The following PIK3C2G variants were observed in gnomAD, a reference collection of about 807,000 sequenced individuals.
The protein encoded by PIK3C2G is phosphatidylinositol-4-phosphate 3-kinase catalytic subunit type 2 gamma.
In PIK3C2G, 168 loss-of-function variants were observed where a neutral mutation model predicts 181.1. That is an observed-to-expected ratio of 0.93 (90% CI 0.82 to 1.05). PIK3C2G has a LOEUF of 1.05. Among genes scored for constraint, PIK3C2G ranks in the 50% least tolerant of loss-of-function variants. The pLI is 0.00. For missense variants in PIK3C2G, 1,869 were observed against 1,732.8 expected (o/e 1.08, Z -1.40); for synonymous variants, 573 against 592.2 (o/e 0.97, Z 0.47).
At chr12:18,253,961 C>T in intron 1 of PIK3C2G, among the ~76,000 whole-genome samples, 1 of 151,344 alleles carries the variant, frequency 6.6e-6, no homozygotes, top group East Asian at 1.9e-4. Context: ...CCCTAGAAGC[C>T]ATAAAGCAGT....
At chr12:18,245,831 T>A (rs998907772), upstream of PIK3C2G, among the ~76,000 whole-genome samples, 2 of 152,144 alleles carry the variant, frequency 1.3e-5, no homozygotes, top group Non-Finnish European at 2.9e-5. Context: ...CATATTTTTT[T>A]ATTTATAAAT....
At chr12:18,372,214 T>G (rs1001681624) in intron 13 of PIK3C2G, among the ~76,000 whole-genome samples, 23 of 151,910 alleles carry the variant, frequency 1.5e-4, no homozygotes, top group Admixed American at 5.9e-4. Flanking sequence ...TGTGTGTGTG[T>G]GGGCACGTGT....
chr12:18,325,068 C>A lies in PIK3C2G; in HGVS notation c.1242C>A (p.Asp414Glu), dbSNP rs1318722965. 1 of 1,576,026 alleles carries A rather than the reference C, an allele frequency of 6.3e-7. No homozygotes were observed. Among genetic ancestry groups the A allele is most frequent in the East Asian group, 2.2e-5 (1 of 44,584 alleles). ...QCLLTLIRKYDFHLKYLLKTQ... is the reference protein window; with the variant it reads ...QCLLTLIRKYEFHLKYLLKTQ... Reference sequence around the variant, plus strand: ...TCTTAACACTCATCAGAAAATATGACTTCCACCTGAAATACCTATTGAAAA... The same window carrying A: ...TCTTAACACTCATCAGAAAATATGAATTCCACCTGAAATACCTATTGAAAA... The change falls in exon 8 of 33, where the codon GAC (aspartate) becomes GAA (glutamate). Residue 414 changes from aspartate to glutamate, a missense_variant. Asp to Glu is a conservative substitution (Grantham distance 45). Transcript: ENST00000538779.
chr12:18,315,708 A>G (rs187969178), intron 6 of PIK3C2G, among the ~76,000 whole-genome samples: 65 of 152,320 alleles, frequency 4.3e-4, no homozygotes, highest in African/African-American at 1.4e-3. Context: ...GACTTTCCCA[A>G]GATTAAAATC....
chr12:18,606,038 A>T (rs1947999369), intron 30 of PIK3C2G, among the ~76,000 whole-genome samples: 1 of 152,156 alleles, frequency 6.6e-6, no homozygotes, highest in African/African-American at 2.4e-5. Flanking sequence ...AAGCTACAGA[A>T]ATAATAAGCC....
intron 31 of PIK3C2G, among the ~76,000 whole-genome samples, chr12:18,624,423 T>G (rs1949001021): frequency 6.6e-6 from 1 of 151,782 alleles, no homozygotes; most frequent in Non-Finnish European, 1.5e-5. Context: ...TGTTATTGAA[T>G]TTGATTTGCT....
chr12:18,437,293 A>T (rs1946501799), intron 18 of PIK3C2G, among the ~76,000 whole-genome samples: 1 of 152,018 alleles, frequency 6.6e-6, no homozygotes, highest in Admixed American at 6.6e-5. Context: ...TAAGAAAATG[A>T]CAGTTACTTT....
intron 29 of PIK3C2G, among the ~76,000 whole-genome samples, chr12:18,574,590 T>C (rs1946136280): frequency 6.6e-6 from 1 of 152,160 alleles, no homozygotes; most frequent in Non-Finnish European, 1.5e-5. Flanking sequence ...TAACAGGTCA[T>C]TCCTAGACTC....
At chr12:18,259,383 G>C (rs929582440), upstream of PIK3C2G, among the ~76,000 whole-genome samples, 1 of 152,084 alleles carries the variant, frequency 6.6e-6, no homozygotes, top group African/African-American at 2.4e-5. Context: ...AAACTTTAAA[G>C]ACAACTCTGC....
chr12:18,644,469 T>C (rs1317419389), intron 32 of PIK3C2G, among the ~76,000 whole-genome samples: 1 of 152,148 alleles, frequency 6.6e-6, no homozygotes, highest in African/African-American at 2.4e-5. Context: ...TTCTTATATA[T>C]TATTCTGTTG....
chr12:18,297,580 ATTG>A (rs1949995527), intron 5 of PIK3C2G, among the ~76,000 whole-genome samples: 1 of 151,992 alleles, frequency 6.6e-6, no homozygotes, highest in African/African-American at 2.4e-5. Flanking sequence ...TATACAATAA[ATTG>A]TTGTTAACTG....
the PIK3C2G span, among the ~76,000 whole-genome samples, chr12:18,660,743 G>A: frequency 6.6e-6 from 1 of 151,966 alleles, no homozygotes; most frequent in Non-Finnish European, 1.5e-5. Context: ...CATATATATA[G>A]CTTTCAACAA....
At chr12:18,407,474 T>C (rs1408617522) in intron 16 of PIK3C2G, among the ~76,000 whole-genome samples, 1 of 152,134 alleles carries the variant, frequency 6.6e-6, no homozygotes, top group Non-Finnish European at 1.5e-5. Context: ...TATTCATTTA[T>C]TCAATACGTG....
At chr12:18,707,304 T>G in the PIK3C2G span, among the ~76,000 whole-genome samples, 2 of 152,142 alleles carry the variant, frequency 1.3e-5, no homozygotes, top group Non-Finnish European at 2.9e-5. Context: ...CTCACTCTGA[T>G]CCCAAAAGAA....
chr12:18,699,397 G>A, the PIK3C2G span, among the ~76,000 whole-genome samples: 1 of 152,178 alleles, frequency 6.6e-6, no homozygotes, highest in Non-Finnish European at 1.5e-5. Context: ...TAGAAATAGA[G>A]TGGATCATGC....
At chr12:18,489,831 G>C (rs1002653809) in intron 19 of PIK3C2G, among the ~76,000 whole-genome samples, 2 of 152,048 alleles carry the variant, frequency 1.3e-5, no homozygotes. Flanking sequence ...TGTTTAAGAT[G>C]TACATTATAC....
intron 18 of PIK3C2G, among the ~76,000 whole-genome samples, chr12:18,444,354 G>A (rs1347993707): frequency 6.6e-6 from 1 of 152,008 alleles, no homozygotes; most frequent in Non-Finnish European, 1.5e-5. Context: ...TCAATTGTTT[G>A]GTATTTATGT....
rs145417085 is a variant in PIK3C2G, at chr12:18,575,442, A to G, written c.4011+8385A>G. ...TTCCCATTTATTTTTCAGTTTAAAT[A>G]TGGTCAGTCATTTGGCCTCCAACAT... is the stretch of plus-strand genomic sequence containing the variant. On this transcript the variant is annotated intron_variant, in intron 29 of 32. Coordinates refer to ENST00000538779, the MANE Select transcript of PIK3C2G (RefSeq NM_001288772.2). Among the ~76,000 whole-genome samples the G allele has an allele frequency of 2.6e-5, 4 of 152,310 alleles. No individual in the cohort carries two copies. The South Asian group carries it at 6.2e-4, about 24-fold the overall frequency.
intron 24 of PIK3C2G, among the ~76,000 whole-genome samples, chr12:18,507,825 TAAAGA>T (rs1342873092): frequency 6.6e-6 from 1 of 152,184 alleles, no homozygotes; most frequent in African/African-American, 2.4e-5. Flanking sequence ...CATAAAAAAG[TAAAGA>T]AAAGATTATT....
Sources: gnomAD v4.1 joint callset for allele counts (sites outside exome capture counted in the v4.1 genomes callset) on GRCh38, gnomAD v4.1.1 for gene constraint, MANE v1.5 for transcripts, NCBI Gene and HGNC (gene_info 2026-07-23, HGNC 2026-07-21) for gene names.